ZBTB18: variants seen among roughly 807,000 people sequenced by gnomAD.
ZBTB18 encodes zinc finger and BTB domain containing 18.
ZBTB18 carries 2 observed loss-of-function variants against 37.7 expected under a neutral mutation model. The ratio of observed to expected loss-of-function variants is 0.05; its 90% CI spans 0.02 to 0.17. ZBTB18 has a LOEUF of 0.17. Ranked by LOEUF, ZBTB18 falls within the 10% of genes least tolerant of loss-of-function variation. ZBTB18 has a pLI of 1.00. For synonymous variants in ZBTB18, 304 were observed against 276.5 expected, an observed-to-expected ratio of 1.10 and a Z score of -0.99; for missense variants, 408 against 686.3, an observed-to-expected ratio of 0.59 and a Z score of 4.53.
In ZBTB18 at chr1:244,056,776, T is replaced by C. The variant is rs532629166; in HGVS notation, c.*1406T>C. Reference sequence around the variant, plus strand: ...CATGGGGAAGGGGGTTAGTAGACTATGTGGATTGCGGCAGCAGAGGCTGCA... The same window carrying C: ...CATGGGGAAGGGGGTTAGTAGACTACGTGGATTGCGGCAGCAGAGGCTGCA... On this transcript the variant is annotated 3_prime_UTR_variant, in exon 2 of 2. Coordinates refer to ENST00000358704, the MANE Select transcript of ZBTB18 (RefSeq NM_205768.3). 3.6e-5 allele frequency: 6 copies of C among 166,578 alleles called. No individual in the cohort carries two copies. Among genetic ancestry groups the C allele is most frequent in the Admixed American group, 3.3e-4 (5 of 15,214 alleles). The allele number at this position is 166,578 out of a possible 1,614,324, so 10.3% of individuals were successfully genotyped here. A position where few individuals can be genotyped will look rare whatever the true frequency, so the allele number is the denominator to read the frequency against.
chr1:244,055,883 C>G lies in ZBTB18; in HGVS notation c.*513C>G, dbSNP rs961291156. On this transcript the variant is annotated 3_prime_UTR_variant, in exon 2 of 2. Transcript: ENST00000358704. The surrounding 1 kb of genome is among the most constrained non-coding windows in gnomAD (Gnocchi z 7.0). ...GCTGGATTATCTATTTTTAAACAAG[C>G]AGTTGACTTAAAACTTTCTGTGGCA... 1.8e-5 allele frequency: 3 copies of G among 167,036 alleles called. No homozygotes were observed. The highest frequency in any genetic ancestry group is 7.2e-5 in the African/African-American group (3 of 41,426). 10.3% of individuals were successfully genotyped at this position (167,036 alleles called of 1,614,324 possible).
In ZBTB18 at chr1:244,057,280, T is replaced by C. The variant is rs909599863; in HGVS notation, c.*1910T>C. 1.2e-5 allele frequency: 2 copies of C among 167,080 alleles called. No individual in the cohort carries two copies. Among genetic ancestry groups the C allele is most frequent in the African/African-American group, 2.4e-5 (1 of 41,468 alleles). The allele number at this position is 167,080 out of a possible 1,614,324, so 10.3% of individuals were successfully genotyped here. A position where few individuals can be genotyped will look rare whatever the true frequency, so the allele number is the denominator to read the frequency against. Reference sequence around the variant, plus strand: ...ATTTTCTTTTTGTGGTCATTGTGAGTGATTGCTTTTTCCTTTTCTTAGTTT... The same window carrying C: ...ATTTTCTTTTTGTGGTCATTGTGAGCGATTGCTTTTTCCTTTTCTTAGTTT... On this transcript the variant is annotated 3_prime_UTR_variant, in exon 2 of 2. Transcript: ENST00000358704.
rs1331916808 is a variant in ZBTB18, at chr1:244,055,401, T to TAC, written c.*32_*33insCA. ...TATATATATAAATAATATATATATATATACATATATATAAATAGATCTCTA... is the reference window on the plus strand; with the variant it reads ...TATATATATAAATAATATATATATATACATACATATATATAAATAGATCTCTA... On this transcript the variant is annotated 3_prime_UTR_variant, in exon 2 of 2. Transcript: ENST00000358704. The surrounding 1 kb of genome is among the most constrained non-coding windows in gnomAD (Gnocchi z 7.0). The TAC allele has an allele frequency of 2.2e-5, 14 of 644,970 alleles. No homozygotes were observed. Among genetic ancestry groups the TAC allele is most frequent in the Non-Finnish European group, 2.8e-5 (13 of 465,230 alleles). 40.0% of individuals were successfully genotyped at this position (644,970 alleles called of 1,614,324 possible).
chr1:244,050,402 A>C (rs1465918683), upstream of ZBTB18, among the ~76,000 whole-genome samples: 1 of 148,420 alleles, frequency 6.7e-6, no homozygotes, highest in Non-Finnish European at 1.5e-5. Context: ...CCCCCACACA[A>C]AGATTTTCTT....
upstream of ZBTB18, among the ~76,000 whole-genome samples, chr1:244,050,117 G>T (rs1372235723): frequency 6.6e-6 from 1 of 152,188 alleles, no homozygotes; most frequent in Non-Finnish European, 1.5e-5. Context: ...GGACGGAGTC[G>T]TCGGGTTTTG....
chr1:244,054,838 A>G lies in ZBTB18; in HGVS notation c.1064A>G (p.Gln355Arg). 1 of 1,614,122 alleles carries G rather than the reference A, an allele frequency of 6.2e-7. No individual in the cohort carries two copies. Among genetic ancestry groups the G allele is most frequent in the South Asian group, 1.1e-5 (1 of 91,068 alleles). ...ATGACCCCAGAGAGCGAGCGTGTCC[A>G]GGTGGAGGGAGGCATGGAGAGCAGT... ...EMMTPESERV[Q>R]VEGGMESSLL... is the part of the protein sequence containing the mutation. Residue 355 changes from glutamine (Q) to arginine (R), a missense_variant, in exon 2 of 2, where the codon CAG becomes CGG. Physicochemically the swap from Gln to Arg is conservative, Grantham distance 43. Around this residue, in one of 4 missense-constraint regions of ZBTB18, gnomAD observed 266 missense variants for 312.0 expected, o/e 0.85. Coordinates refer to ENST00000358704, the MANE Select transcript of ZBTB18 (RefSeq NM_205768.3). This position sits in a 1 kb window ranked among gnomAD's most constrained non-coding sequence, Gnocchi z 9.0.
At chr1:244,048,723 G>T (rs1698285886), upstream of ZBTB18, among the ~76,000 whole-genome samples, 1 of 144,134 alleles carries the variant, frequency 6.9e-6, no homozygotes, top group Non-Finnish European at 1.5e-5. Context: ...TGCGGCCGCC[G>T]CTGGGCTGCT....
chr1:244,051,196 G>A, upstream of ZBTB18: 1 of 485,266 alleles, frequency 2.1e-6, no homozygotes, highest in South Asian at 3.6e-5. Flanking sequence ...CACAGCTGGA[G>A]GTAGCATTTC....
chr1:244,051,274 C>T, upstream of ZBTB18: 2 of 673,010 alleles, frequency 3.0e-6, no homozygotes. Flanking sequence ...AACACACAGA[C>T]AGGGAGTTAG....
Position 244,054,786 on chromosome 1 carries a change from G to A in ZBTB18, c.1012G>A (p.Glu338Lys). ...CTCGGTCTTGAGGGAGCTGGACCGG[G>A]AGGACAAAGCCAGTGATGATGAGAT... is the stretch of plus-strand genomic sequence containing the variant. The part of the protein sequence containing the change: ...EDSVLRELDR[E>K]DKASDDEMMT... Residue 338 changes from glutamate (E) to lysine (K), a missense_variant, in exon 2 of 2, where the codon GAG becomes AAG. Physicochemically the swap from Glu to Lys is moderately conservative, Grantham distance 56 (BLOSUM62 1). Transcript: ENST00000358704. This position sits in a 1 kb window ranked among gnomAD's most constrained non-coding sequence, Gnocchi z 9.0. 6.2e-7 allele frequency: 1 copy of A among 1,614,156 alleles called. No individual in the cohort carries two copies. The highest frequency in any genetic ancestry group is 8.5e-7 in the Non-Finnish European group (1 of 1,180,024).
rs1647444563 is a variant in ZBTB18 at position 244,053,564 on chromosome 1, CGGAAG to C, written c.14-223_14-219del. 6.6e-6 allele frequency among the ~76,000 whole-genome samples: 1 copy of C among 152,106 alleles called. No homozygotes were observed. The highest frequency in any genetic ancestry group is 2.4e-5 in the African/African-American group (1 of 41,420). On this transcript the variant is annotated intron_variant, in intron 1 of 1. Transcript: ENST00000358704. The surrounding 1 kb of genome is among the most constrained non-coding windows in gnomAD (Gnocchi z 5.2). ...GGGTTCAAGGAAGATGGAGATGCGT[CGGAAG>C]CTCTTTGGCGGGGGTGAGGAAGTTC... is the stretch of plus-strand genomic sequence containing the variant.
chr1:244,054,962 C>A lies in ZBTB18; in HGVS notation c.1188C>A (p.Ile396=). The change falls in exon 2 of 2, where the codon ATC becomes ATA. Residue 396 remains isoleucine (I), a synonymous_variant. Transcript: ENST00000358704. This position sits in a 1 kb window ranked among gnomAD's most constrained non-coding sequence, Gnocchi z 9.0. ...KVFPSPHILQ[I]HLSTHFREQD... is the part of the protein sequence containing the mutation. ...TCCCCAGCCCCCACATCCTGCAGAT[C>A]CACCTGAGCACGCACTTCCGCGAGC... 1 of 1,614,092 alleles carries A rather than the reference C, an allele frequency of 6.2e-7. No individual in the cohort carries two copies. The highest frequency in any genetic ancestry group is 8.5e-7 in the Non-Finnish European group (1 of 1,179,990).
rs1373978796 is a variant in ZBTB18, at chr1:244,054,300, T to C, written c.526T>C (p.Leu176=). The change falls in exon 2 of 2, where the codon TTG becomes CTG. Residue 176 remains leucine (L), a synonymous_variant. Transcript: ENST00000358704. This position sits in a 1 kb window ranked among gnomAD's most constrained non-coding sequence, Gnocchi z 9.0. The stretch of plus-strand genomic sequence containing the variant: ...TGAAGATGAAGGAGAAGATGAAAAA[T>C]TGAACATCCTGCCCAGCAAAAGGGA... ...SDEDEGEDEK[L]NILPSKRDLA... The C allele has an allele frequency of 1.9e-6, 3 of 1,614,010 alleles. No individual in the cohort carries two copies. The highest frequency in any genetic ancestry group is 2.5e-6 in the Non-Finnish European group (3 of 1,180,012).
intron 1 of ZBTB18, among the ~76,000 whole-genome samples, chr1:244,051,717 T>G (rs1698357722): frequency 6.6e-6 from 1 of 152,212 alleles, no homozygotes; most frequent in Non-Finnish European, 1.5e-5. Flanking sequence ...GGAAATCACG[T>G]TGGATTAAAA....
Position 244,056,505 on chromosome 1 carries a change from A to G in ZBTB18, c.*1135A>G, listed in dbSNP as rs1030488087. ...ACAAACTTCTAATTGCACAAAACCCATGCCAGCTCAGAGTTTAGGTGTACA... is the reference window on the plus strand; with the variant it reads ...ACAAACTTCTAATTGCACAAAACCCGTGCCAGCTCAGAGTTTAGGTGTACA... On this transcript the variant is annotated 3_prime_UTR_variant, in exon 2 of 2. Transcript: ENST00000358704. 1 of 167,122 alleles carries G rather than the reference A, an allele frequency of 6.0e-6. No homozygotes were observed. Among genetic ancestry groups the G allele is most frequent in the Non-Finnish European group, 1.5e-5 (1 of 68,124 alleles). The allele number at this position is 167,122 out of a possible 1,614,324, so 10.4% of individuals were successfully genotyped here.
At chr1:244,052,757 C>G (rs1484791784) in intron 1 of ZBTB18, among the ~76,000 whole-genome samples, 2 of 151,118 alleles carry the variant, frequency 1.3e-5, no homozygotes, top group African/African-American at 2.4e-5. Context: ...AAAGTATTTT[C>G]TGTTGGCTGA....
At chr1:244,051,842 C>G (rs1474811766) in intron 1 of ZBTB18, among the ~76,000 whole-genome samples, 3 of 152,080 alleles carry the variant, frequency 2.0e-5, no homozygotes, top group Non-Finnish European at 4.4e-5. Context: ...AGTTAAGCAG[C>G]TAGATTGTTG....
Position 244,053,230 on chromosome 1 carries a change from T to C in ZBTB18, c.14-558T>C, listed in dbSNP as rs541385460. ...GTTGTTTGCTAATTTCTGGACTAAT[T>C]ATGCAATTTCATTTTTTTTTCTTGA... is the stretch of plus-strand genomic sequence containing the variant. On this transcript the variant is annotated intron_variant, in intron 1 of 1. Transcript: ENST00000358704. The surrounding 1 kb of genome is among the most constrained non-coding windows in gnomAD (Gnocchi z 5.2). Among the ~76,000 whole-genome samples, 92 of 152,330 alleles carry C rather than the reference T, an allele frequency of 6.0e-4. 1 individual carries two copies. The highest frequency in any genetic ancestry group is 2.2e-3 in the African/African-American group (90 of 41,578).
Position 244,056,350 on chromosome 1 carries a change from CTG to C in ZBTB18, c.*982_*983del, listed in dbSNP as rs1450272614. On this transcript the variant is annotated 3_prime_UTR_variant, in exon 2 of 2. Transcript: ENST00000358704. ...TATATAATTTAAATTGACTTTCCCA[CTG>C]TCTTTAAGTTGAAACTGTTAAGCTG... 1.2e-5 allele frequency: 2 copies of C among 167,066 alleles called. No individual in the cohort carries two copies. Among genetic ancestry groups the C allele is most frequent in the Admixed American group, 6.5e-5 (1 of 15,290 alleles). The allele number at this position is 167,066 out of a possible 1,614,324, so 10.3% of individuals were successfully genotyped here. A position where few individuals can be genotyped will look rare whatever the true frequency, so the allele number is the denominator to read the frequency against.
Sources: gnomAD v4.1 joint callset for allele counts (sites outside exome capture counted in the v4.1 genomes callset) on GRCh38, gnomAD v4.1.1 for gene constraint, gnomAD v4.1.1 regional missense constraint, Gnocchi (gnomAD v3.1) non-coding constraint, MANE v1.5 for transcripts, NCBI Gene and HGNC (gene_info 2026-07-23, HGNC 2026-07-21) for gene names.